HCRTR2: variants seen among roughly 807,000 people sequenced by gnomAD.
The protein encoded by HCRTR2 is hypocretin receptor 2, also known as orexin receptor type 2.
HCRTR2 carries 22 observed loss-of-function variants against 49.0 expected under a neutral mutation model. The observed-to-expected ratio is 0.45, with a 90% confidence interval of 0.32 to 0.64. The LOEUF is 0.64. Among genes scored for constraint, HCRTR2 ranks in the 30% least tolerant of loss-of-function variants. The pLI, the probability that HCRTR2 is intolerant of heterozygous loss-of-function variation, is 0.04. For synonymous variants in HCRTR2, 236 were observed against 205.3 expected (o/e 1.15, Z -1.28); for missense variants, 491 against 559.4 (o/e 0.88, Z 1.23).
intron 1 of HCRTR2, among the ~76,000 whole-genome samples, chr6:55,220,773 T>C (rs1211108508): frequency 3.3e-5 from 5 of 152,182 alleles, no homozygotes; most frequent in African/African-American, 1.2e-4. Flanking sequence ...AAATTATCTC[T>C]ATTCCCAGAT....
At chr6:55,274,257 A>ATATATACTTATACATATATTTT (rs201814150) in intron 4 of HCRTR2, among the ~76,000 whole-genome samples, 3,162 of 30,858 alleles carry the variant, frequency 0.1, 182 homozygotes, top group Admixed American at 0.2. Context: ...ATATATATAT[A>ATATATACTTATACATATATTTT]ATGAAATATA....
chr6:55,246,666 G>T (rs1338495524), intron 1 of HCRTR2, among the ~76,000 whole-genome samples: 1 of 151,992 alleles, frequency 6.6e-6, no homozygotes, highest in Non-Finnish European at 1.5e-5. Flanking sequence ...TGAAGACCTA[G>T]TACTTAGTTT....
At chr6:55,183,166 T>C (rs1178269551) in intron 1 of HCRTR2, among the ~76,000 whole-genome samples, 1 of 152,134 alleles carries the variant, frequency 6.6e-6, no homozygotes, top group Non-Finnish European at 1.5e-5. Flanking sequence ...TAAAATAACG[T>C]GGTAAGTGCT....
At chr6:55,284,049 G>A (rs1470052028), downstream of HCRTR2, among the ~76,000 whole-genome samples, 4 of 152,084 alleles carry the variant, frequency 2.6e-5, no homozygotes, top group African/African-American at 4.8e-5. Context: ...TATTTATGCT[G>A]CATGAAAGGA....
intron 1 of HCRTR2, among the ~76,000 whole-genome samples, chr6:55,211,513 A>G (rs1475647725): frequency 1.3e-5 from 2 of 152,104 alleles, no homozygotes; most frequent in Non-Finnish European, 2.9e-5. Flanking sequence ...CATTCTATTC[A>G]GTATTTCATT....
chr6:55,209,991 T>G (rs1765669314), intron 1 of HCRTR2, among the ~76,000 whole-genome samples: 1 of 152,152 alleles, frequency 6.6e-6, no homozygotes, highest in African/African-American at 2.4e-5. Context: ...ATTATTACCT[T>G]GGTCAAGTTT....
At chr6:55,219,953 T>C (rs113240680) in intron 1 of HCRTR2, among the ~76,000 whole-genome samples, 1,883 of 152,102 alleles carry the variant, frequency 0.012, 36 homozygotes, top group African/African-American at 0.041. Flanking sequence ...AGAAGAAATG[T>C]ATAAATTCTC....
intron 1 of HCRTR2, among the ~76,000 whole-genome samples, chr6:55,217,203 G>C (rs902830428): frequency 6.6e-6 from 1 of 152,106 alleles, no homozygotes; most frequent in African/African-American, 2.4e-5. Flanking sequence ...TTTCATGAGA[G>C]GGGGCAGTCT....
chr6:55,131,783 G>A (rs4275060), intron 1 of HCRTR2, among the ~76,000 whole-genome samples: 46,579 of 141,196 alleles, frequency 0.33, 9,256 homozygotes, highest in East Asian at 0.8. Context: ...TATCCACTTA[G>A]TCAATTATTT....
intron 1 of HCRTR2, among the ~76,000 whole-genome samples, chr6:55,245,398 T>TACAC (rs549987888): frequency 3.5e-4 from 49 of 140,726 alleles, no homozygotes; most frequent in Admixed American, 1.7e-3. Flanking sequence ...TATATATATA[T>TACAC]ACACACACAC....
chr6:55,270,946 T>G (rs1241776007), intron 4 of HCRTR2, among the ~76,000 whole-genome samples: 2 of 152,276 alleles, frequency 1.3e-5, no homozygotes, highest in Middle Eastern at 3.4e-3. Context: ...ATTGGAAGAT[T>G]CAATCTTGTT....
intron 1 of HCRTR2, among the ~76,000 whole-genome samples, chr6:55,231,070 G>A (rs1766105783): frequency 6.6e-6 from 1 of 151,978 alleles, no homozygotes; most frequent in Non-Finnish European, 1.5e-5. Context: ...GTTTAGGCGA[G>A]CACTAGGAAA....
intron 1 of HCRTR2, among the ~76,000 whole-genome samples, chr6:55,156,593 G>GCACA (rs143391168): frequency 6.8e-6 from 1 of 146,122 alleles, no homozygotes; most frequent in South Asian, 2.2e-4. Flanking sequence ...ACACACACAA[G>GCACA]CACACACACA....
In HCRTR2 at chr6:55,255,282, A is replaced by C; in HGVS notation, c.549A>C (p.Ile183=). The C allele has an allele frequency of 6.2e-7, 1 of 1,613,984 alleles. No individual in the cohort carries two copies. Among genetic ancestry groups the C allele is most frequent in the African/African-American group, 1.3e-5 (1 of 75,010 alleles). ...IVIIWIVSCI[I]MIPQAIVMEC... ...TCATCTGGATTGTCTCCTGCATTAT[A>C]ATGATTCCTCAGGCCATCGTCATGG... Residue 183 remains isoleucine (I), a synonymous_variant, in exon 3 of 7, where the codon ATA becomes ATC. Coordinates refer to ENST00000370862, the MANE Select transcript of HCRTR2 (RefSeq NM_001384272.1).
chr6:55,120,706 A>T (rs1039607224), intron 1 of HCRTR2, among the ~76,000 whole-genome samples: 1 of 151,970 alleles, frequency 6.6e-6, no homozygotes, highest in Non-Finnish European at 1.5e-5. Flanking sequence ...AAACAGAGAC[A>T]ATTTGACTTC....
At chr6:55,154,351 T>C (rs1379854025) in intron 1 of HCRTR2, among the ~76,000 whole-genome samples, 3 of 151,860 alleles carry the variant, frequency 2.0e-5, no homozygotes, top group Admixed American at 2.0e-4. Flanking sequence ...GGAATTATCA[T>C]GTATACATAT....
chr6:55,136,068 A>G (rs1764429755), intron 1 of HCRTR2, among the ~76,000 whole-genome samples: 1 of 152,138 alleles, frequency 6.6e-6, no homozygotes, highest in Non-Finnish European at 1.5e-5. Context: ...TTGCTGGTCT[A>G]TTTGCTTTGC....
chr6:55,192,410 C>T (rs1033004565), intron 1 of HCRTR2, among the ~76,000 whole-genome samples: 3 of 62,566 alleles, frequency 4.8e-5, no homozygotes, highest in African/African-American at 7.3e-5. Context: ...CACGCGCGCG[C>T]GCGCACACAC....
At chr6:55,261,104 A>C (rs1163381660) in intron 3 of HCRTR2, among the ~76,000 whole-genome samples, 1 of 152,218 alleles carries the variant, frequency 6.6e-6, no homozygotes, top group Admixed American at 6.5e-5. Context: ...AATTACATTT[A>C]ATATCTATGG....
Sources: allele counts gnomAD v4.1 joint callset (sites outside exome capture counted in the v4.1 genomes callset), GRCh38; gene constraint gnomAD v4.1.1; transcripts MANE v1.5; gene names NCBI Gene and HGNC (gene_info 2026-07-23, HGNC 2026-07-21).